Variants in CDH12 observed in about 807,000 individuals in gnomAD.
The protein encoded by CDH12 is cadherin 12.
CDH12 carries 41 observed loss-of-function variants against 74.1 expected under a neutral mutation model. The observed-to-expected ratio is 0.55, with a 90% CI of 0.43 to 0.72. The LOEUF is 0.72. Ranked by LOEUF, CDH12 falls within the 30% of genes least tolerant of loss-of-function variation. The pLI is 0.00. For synonymous variants in CDH12, 399 were observed against 355.0 expected, an observed-to-expected ratio of 1.12 and a Z score of -1.39; for missense variants, 945 against 977.2, an observed-to-expected ratio of 0.97 and a Z score of 0.44.
intron 3 of CDH12, among the ~76,000 whole-genome samples, chr5:22,226,709 G>A (rs1157070067): frequency 5.9e-5 from 9 of 152,052 alleles, no homozygotes; most frequent in Admixed American, 3.9e-4. Flanking sequence ...AATGAACACC[G>A]TGTCCACTGT....
intron 4 of CDH12, among the ~76,000 whole-genome samples, chr5:22,151,436 A>T (rs1184571626): frequency 6.6e-6 from 1 of 152,222 alleles, no homozygotes; most frequent in African/African-American, 2.4e-5. Flanking sequence ...CAAGTTGATA[A>T]GCCATTCTGT....
At chr5:22,088,940 A>G (rs1276615540) in intron 4 of CDH12, among the ~76,000 whole-genome samples, 2 of 152,308 alleles carry the variant, frequency 1.3e-5, no homozygotes, top group African/African-American at 2.4e-5. Context: ...ACCTGCACAA[A>G]GGGCTTAAAT....
At chr5:21,968,637 G>C (rs1230449130) in intron 6 of CDH12, among the ~76,000 whole-genome samples, 1 of 152,114 alleles carries the variant, frequency 6.6e-6, no homozygotes, top group Non-Finnish European at 1.5e-5. Context: ...CTTTTAGTCT[G>C]TGCATTTTCC....
chr5:22,281,589 A>G (rs1037584540), intron 3 of CDH12, among the ~76,000 whole-genome samples: 1 of 152,198 alleles, frequency 6.6e-6, no homozygotes, highest in Non-Finnish European at 1.5e-5. Context: ...ATAGACAAAC[A>G]AAGAGCCAAA....
At chr5:22,832,659 A>C (rs1736669696) in intron 1 of CDH12, among the ~76,000 whole-genome samples, 1 of 152,292 alleles carries the variant, frequency 6.6e-6, no homozygotes. Flanking sequence ...TATTCTAAAT[A>C]TATTTTTCAT....
intron 1 of CDH12, among the ~76,000 whole-genome samples, chr5:22,665,576 C>T (rs1740572550): frequency 6.6e-6 from 1 of 152,150 alleles, no homozygotes; most frequent in South Asian, 2.1e-4. Flanking sequence ...TTTAAACCTT[C>T]CTCATCTTAG....
At chr5:21,864,877 C>T (rs1267033483) in intron 6 of CDH12, among the ~76,000 whole-genome samples, 1 of 152,026 alleles carries the variant, frequency 6.6e-6, no homozygotes, top group East Asian at 1.9e-4. Context: ...GAAATATGAG[C>T]AGTAAGGGTT....
At chr5:22,401,946 G>A (rs943267654) in intron 3 of CDH12, among the ~76,000 whole-genome samples, 2 of 152,118 alleles carry the variant, frequency 1.3e-5, no homozygotes, top group Non-Finnish European at 2.9e-5. Flanking sequence ...TAAGAAAGAG[G>A]CACTGAACAG....
At chr5:22,215,529 A>AT (rs1344224090) in intron 3 of CDH12, among the ~76,000 whole-genome samples, 1 of 152,146 alleles carries the variant, frequency 6.6e-6, no homozygotes, top group Non-Finnish European at 1.5e-5. Context: ...TCAATTTCAA[A>AT]TTTTTAAAAA....
intron 8 of CDH12, among the ~76,000 whole-genome samples, chr5:21,833,243 TATTATATATTATATAACATATAA>T (rs1749259375): frequency 2.0e-5 from 1 of 49,370 alleles, no homozygotes; most frequent in Non-Finnish European, 2.9e-5. Context: ...ATATAATATA[TATTATATATTATATAACATATAA>T]TATATATTAT....
chr5:22,715,889 C>T lies in CDH12; in HGVS notation c.-523+137169G>A, dbSNP rs143368285. On this transcript the variant is annotated intron_variant, in intron 1 of 14. Coordinates refer to ENST00000382254, the MANE Select transcript of CDH12 (RefSeq NM_004061.5). ...CGTTGGGTTACGCCTGTAATCCTAG[C>T]ACTTTGGGAGGCCTTGGTGTGCGGA... Among the ~76,000 whole-genome samples the T allele has an allele frequency of 3.6e-3, 550 of 151,658 alleles. 5 individuals carry two copies. The highest frequency in any genetic ancestry group is 0.013 in the African/African-American group (528 of 41,330).
chr5:22,800,977 C>G (rs1748480037), intron 1 of CDH12, among the ~76,000 whole-genome samples: 1 of 151,940 alleles, frequency 6.6e-6, no homozygotes, highest in Non-Finnish European at 1.5e-5. Context: ...TCTAAGCATC[C>G]ATAATTATGA....
chr5:22,131,349 A>G (rs1379225155), intron 4 of CDH12, among the ~76,000 whole-genome samples: 1 of 152,012 alleles, frequency 6.6e-6, no homozygotes, highest in Non-Finnish European at 1.5e-5. Flanking sequence ...CCAATTAGTT[A>G]CCTAGTTAGG....
chr5:21,939,020 C>A (rs185892422), intron 6 of CDH12, among the ~76,000 whole-genome samples: 18 of 150,654 alleles, frequency 1.2e-4, no homozygotes, highest in African/African-American at 3.9e-4. Flanking sequence ...AATAATGAAA[C>A]CTGGAAGCAA....
chr5:21,778,564 A>G (rs11741494), intron 11 of CDH12, among the ~76,000 whole-genome samples: 103,794 of 143,856 alleles, frequency 0.72, 38,292 homozygotes, highest in Non-Finnish European at 0.81. Context: ...CCATATTGTC[A>G]TCAGTCCTAA....
At chr5:22,459,822 C>T (rs1409573798) in intron 2 of CDH12, among the ~76,000 whole-genome samples, 1 of 151,822 alleles carries the variant, frequency 6.6e-6, no homozygotes, top group African/African-American at 2.4e-5. Flanking sequence ...AAAAATTAGC[C>T]GGGCATGGTG....
At position 22,015,237 on chromosome 5, in the gene CDH12, C is replaced by T. The variant is rs142431106; in HGVS notation, c.232-39852G>A. ...AAAGAGGAGGTTTTGACATATTGTG[C>T]CTTTACTATTAAAGAAATATCATTC... On this transcript the variant is annotated intron_variant, in intron 5 of 14. Transcript: ENST00000382254. Among the ~76,000 whole-genome samples, 34 of 152,178 alleles carry T rather than the reference C, an allele frequency of 2.2e-4. No homozygotes were observed. In the East Asian group the frequency reaches 6.4e-3, roughly 28 times the overall value.
At position 21,817,132 on chromosome 5, in the gene CDH12, C is replaced by A; in HGVS notation, c.815G>T (p.Ser272Ile). 4 of 1,594,556 alleles carry A rather than the reference C, an allele frequency of 2.5e-6. No homozygotes were observed. Among genetic ancestry groups the A allele is most frequent in the Non-Finnish European group, 2.6e-6 (3 of 1,169,776 alleles). The change falls in exon 9 of 15, where the codon AGC becomes ATC. Residue 272 changes from serine (S) to isoleucine (I), a missense_variant and splice_region_variant. Transcript: ENST00000382254. ...VNDNPPRFPKSIFHLKVPESS... is the reference protein window; with the variant it reads ...VNDNPPRFPKIIFHLKVPESS... ...CTCAGGAACTTTCAAGTGGAAGATG[C>A]CTGATAAGACATATAAAATTTGAAT...
chr5:22,326,797 A>T lies in CDH12; in HGVS notation c.-333+78460T>A, dbSNP rs1260967461. 5.7e-4 allele frequency among the ~76,000 whole-genome samples: 87 copies of T among 152,320 alleles called. 1 individual carries two copies. The highest frequency in any genetic ancestry group is 2.5e-4 in the Non-Finnish European group (17 of 68,032). On this transcript the variant is annotated intron_variant, in intron 3 of 14. Transcript: ENST00000382254. ...CATTTTCACTGATAATGATCATATG[A>T]ATGTGGCAAGGTTTAATACTTCAAA...
Sources: gnomAD v4.1 joint callset for allele counts (sites outside exome capture counted in the v4.1 genomes callset) on GRCh38, gnomAD v4.1.1 for gene constraint, MANE v1.5 for transcripts, NCBI Gene and HGNC (gene_info 2026-07-23, HGNC 2026-07-21) for gene names.